MAP3K1: variants seen among roughly 807,000 people sequenced by gnomAD.
MAP3K1 encodes mitogen-activated protein kinase kinase kinase 1.
A neutral mutation model predicts 144.2 loss-of-function variants in MAP3K1; 36 were observed. The ratio of observed to expected loss-of-function variants is 0.25; its 90% confidence interval spans 0.19 to 0.33. The LOEUF (loss-of-function observed/expected upper bound fraction) is 0.33. MAP3K1 is among the 10% of genes least tolerant of loss of function. The pLI, the probability that MAP3K1 is intolerant of heterozygous loss-of-function variation, is 1.00. For missense variants in MAP3K1, 1,650 were observed against 1,881.9 expected, an observed-to-expected ratio of 0.88 and a Z score of 2.28; for synonymous variants, 718 against 688.7, an observed-to-expected ratio of 1.04 and a Z score of -0.67.
chr5:56,871,932 A>G lies in MAP3K1; in HGVS notation c.1324A>G (p.Met442Val), dbSNP rs920836952. ...TAGCATAAAGGATGAAGAGGAACAG[A>G]TGTGTCCTATTTGCTTGTTGGGCAT... is the stretch of plus-strand genomic sequence containing the variant. ...ENSIKDEEEQ[M>V]CPICLLGMLD... Residue 442 changes from methionine to valine, a missense_variant, in exon 7 of 20, where the codon ATG becomes GTG. Physicochemically the swap from Met to Val is conservative, Grantham distance 21. Transcript: ENST00000399503. 6.2e-7 allele frequency: 1 copy of G among 1,613,878 alleles called. No individual in the cohort carries two copies. Among genetic ancestry groups the G allele is most frequent in the Non-Finnish European group, 8.5e-7 (1 of 1,179,808 alleles).
At chr5:56,849,479 C>T (rs571406158) in intron 1 of MAP3K1, among the ~76,000 whole-genome samples, 79 of 152,072 alleles carry the variant, frequency 5.2e-4, no homozygotes, top group Admixed American at 1.4e-3. Context: ...CGTCTTTAGT[C>T]CTCAGGGTCA....
At chr5:56,830,289 T>C (rs1037582154) in intron 1 of MAP3K1, among the ~76,000 whole-genome samples, 26 of 152,336 alleles carry the variant, frequency 1.7e-4, no homozygotes, top group African/African-American at 6.3e-4. Flanking sequence ...AACAAATTAG[T>C]AGACATTTCT....
At chr5:56,874,221 G>A (rs1747946320) in intron 9 of MAP3K1, among the ~76,000 whole-genome samples, 1 of 152,090 alleles carries the variant, frequency 6.6e-6, no homozygotes, top group Non-Finnish European at 1.5e-5. Context: ...TTTTTCAAAA[G>A]TTGTGTTTAT....
intron 1 of MAP3K1, among the ~76,000 whole-genome samples, chr5:56,854,092 A>C (rs1747259513): frequency 6.6e-6 from 1 of 152,150 alleles, no homozygotes; most frequent in Non-Finnish European, 1.5e-5. Context: ...ATATTATCAA[A>C]AGTCTTCATT....
At chr5:56,883,497 G>A in intron 14 of MAP3K1, 30 bp from the exon 15 acceptor site, 1 of 1,610,314 alleles carries the variant, frequency 6.2e-7, no homozygotes, top group Non-Finnish European at 8.5e-7. Flanking sequence ...TCCTTTAACA[G>A]TAAAAAGATT....
At chr5:56,837,212 A>G (rs72758067) in intron 1 of MAP3K1, among the ~76,000 whole-genome samples, 2,096 of 151,764 alleles carry the variant, frequency 0.014, 22 homozygotes, top group Middle Eastern at 0.041. Context: ...CTCCCCTCCC[A>G]GCCACAAGAT....
rs2111945781 is a variant in MAP3K1 at position 56,882,317 on chromosome 5, A to G, written c.3117A>G (p.Ser1039=). 6.2e-7 allele frequency: 1 copy of G among 1,614,196 alleles called. No individual in the cohort carries two copies. The highest frequency in any genetic ancestry group is 8.5e-7 in the Non-Finnish European group (1 of 1,180,034). Residue 1039 remains serine, a synonymous_variant, in exon 14 of 20, where the codon TCA becomes TCG. Coordinates refer to ENST00000399503, the MANE Select transcript of MAP3K1 (RefSeq NM_005921.2). ...GAAACTGTCCTGAAAACAAAGACTC[A>G]GATAAACTTTCCCCAGTCTTTACTC... ...FHRNCPENKD[S]DKLSPVFTQS...
intron 1 of MAP3K1, among the ~76,000 whole-genome samples, chr5:56,817,784 AC>A (rs1159377292): frequency 2.0e-5 from 3 of 152,348 alleles, no homozygotes; most frequent in African/African-American, 7.2e-5. Flanking sequence ...AATTTAGCAA[AC>A]GTCAGCATTC....
rs1312320060 is a variant in MAP3K1 at position 56,872,959 on chromosome 5, A to G, written c.1640A>G (p.Gln547Arg). Reference protein sequence around the residue: ...SNFNLTHYGTQQIPPAYKDLA... With the variant: ...SNFNLTHYGTRQIPPAYKDLA... ...TTTAACCTTACTCATTATGGAACTC[A>G]GCAAATCCCTCCTGCTTACAAAGAT... The change falls in exon 9 of 20, where the codon CAG becomes CGG. Residue 547 changes from glutamine (Q) to arginine (R), a missense_variant. By Grantham distance (43) the Gln-to-Arg change is conservative (BLOSUM62 1). Around this residue, in one of 6 missense-constraint regions of MAP3K1, gnomAD observed 841 missense variants for 886.5 expected, o/e 0.95. Transcript: ENST00000399503. 4 of 1,614,114 alleles carry G rather than the reference A, an allele frequency of 2.5e-6. No individual in the cohort carries two copies. In the South Asian group the frequency reaches 3.3e-5, roughly 13 times the overall value.
In MAP3K1 at chr5:56,881,250, C is replaced by T; in HGVS notation, c.2347C>T (p.Gln783Ter). The T allele has an allele frequency of 6.2e-7, 1 of 1,613,416 alleles. No homozygotes were observed. Among genetic ancestry groups the T allele is most frequent in the Non-Finnish European group, 8.5e-7 (1 of 1,179,738 alleles). The change falls in exon 13 of 20, where the codon CAA becomes TAA. Residue 783 changes from glutamine (Q) to a stop codon, truncating the protein, a stop_gained. Coordinates refer to ENST00000399503, the MANE Select transcript of MAP3K1 (RefSeq NM_005921.2). LOFTEE classifies it high-confidence loss of function. ...YPHIVSTDVS[Q>*]AEPVEIRYKK... is the part of the protein sequence containing the mutation. ...TCATATTGTCAGTACTGATGTTTCA[C>T]AAGCTGAGCCTGTTGAAATCAGGTA...
At chr5:56,865,313 C>G (rs773053973) in intron 4 of MAP3K1, 27 bp from the exon 5 acceptor site, 2 of 1,278,596 alleles carry the variant, frequency 1.6e-6, no homozygotes, top group South Asian at 1.2e-5. Context: ...ATGTATTAAC[C>G]TATAGGTTTT....
In MAP3K1 at chr5:56,815,603, G is replaced by C; in HGVS notation, c.30G>C (p.Ser10=). The C allele has an allele frequency of 7.6e-7, 1 of 1,309,614 alleles. No individual in the cohort carries two copies. The highest frequency in any genetic ancestry group is 9.7e-7 in the Non-Finnish European group (1 of 1,030,062). The allele number at this position is 1,309,614 out of a possible 1,614,324, so 81.1% of individuals were successfully genotyped here. A position where few individuals can be genotyped will look rare whatever the true frequency, so the allele number is the denominator to read the frequency against. Residue 10 remains serine (S), a synonymous_variant, in exon 1 of 20, where the codon TCG becomes TCC. Coordinates refer to ENST00000399503, the MANE Select transcript of MAP3K1 (RefSeq NM_005921.2). Reference sequence around the variant, plus strand: ...CGGCGGCGGCGGGGAATCGCGCCTCGTCGTCGGGATTCCCGGGCGCCAGGG... The same window carrying C: ...CGGCGGCGGCGGGGAATCGCGCCTCCTCGTCGGGATTCCCGGGCGCCAGGG... MAAAAGNRA[S]SSGFPGARAT...
chr5:56,874,123 A>T (rs1747942674), intron 9 of MAP3K1, among the ~76,000 whole-genome samples: 1 of 152,208 alleles, frequency 6.6e-6, no homozygotes, highest in Non-Finnish European at 1.5e-5. Flanking sequence ...ACTTAACAGT[A>T]CCAGAAGCTC....
At chr5:56,877,935 A>G (rs1288915366) in intron 10 of MAP3K1, among the ~76,000 whole-genome samples, 1 of 152,086 alleles carries the variant, frequency 6.6e-6, no homozygotes, top group Non-Finnish European at 1.5e-5. Context: ...ATATCCCTCA[A>G]TTTGGGTTTA....
At chr5:56,887,922 G>GTCGTGTTCATAATTCT (rs1441850026) in intron 18 of MAP3K1, 3 of 459,716 alleles carry the variant, frequency 6.5e-6, no homozygotes, top group Non-Finnish European at 1.2e-5. Flanking sequence ...AGCTTCTTCT[G>GTCGTGTTCATAATTCT]TCGTGTTCAT....
rs755121595 is a variant in MAP3K1, at chr5:56,883,687, T to G, written c.3819+8T>G. The G allele has an allele frequency of 6.2e-6, 10 of 1,613,586 alleles. No homozygotes were observed. The highest frequency in any genetic ancestry group is 8.5e-6 in the Non-Finnish European group (10 of 1,179,716). On this transcript the variant is annotated splice_region_variant and intron_variant, in intron 15 of 19. Coordinates refer to ENST00000399503, the MANE Select transcript of MAP3K1 (RefSeq NM_005921.2). The stretch of plus-strand genomic sequence containing the variant: ...TTAATGGCTGTTAAACAGGTAAATA[T>G]CTAGTGAGCATATAAATGAAATGAC...
In MAP3K1 at chr5:56,875,165, G is replaced by A; in HGVS notation, c.1820G>A (p.Gly607Glu). ...AATGGGGAGAGCACTGGAAATTCTGGGGGCAGCAGTGGAAGCAGCCCGAGT... is the reference window on the plus strand; with the variant it reads ...AATGGGGAGAGCACTGGAAATTCTGAGGGCAGCAGTGGAAGCAGCCCGAGT... ...LANGESTGNS[G>E]GSSGSSPSGG... is the part of the protein sequence containing the mutation. Residue 607 changes from glycine to glutamate, a missense_variant, in exon 10 of 20, where the codon GGG (glycine) becomes GAG (glutamate). Physicochemically the swap from Gly to Glu is moderately conservative, Grantham distance 98. Transcript: ENST00000399503. 1 of 1,614,158 alleles carries A rather than the reference G, an allele frequency of 6.2e-7. No homozygotes were observed. Among genetic ancestry groups the A allele is most frequent in the South Asian group, 1.1e-5 (1 of 91,086 alleles).
chr5:56,859,857 G>A lies in MAP3K1; in HGVS notation c.776G>A (p.Gly259Asp), dbSNP rs1351771523. Residue 259 changes from glycine (G) to aspartate (D), a missense_variant, in exon 3 of 20, where the codon GGT becomes GAT. Coordinates refer to ENST00000399503, the MANE Select transcript of MAP3K1 (RefSeq NM_005921.2). ...RSPSPGNSPSGRTVKSESPGV... is the reference protein window; with the variant it reads ...RSPSPGNSPSDRTVKSESPGV... ...CCTTCTCCTGGCAACTCCCCATCAG[G>A]TCGCACAGTGAAATCAGAATCTCCA... 6.2e-7 allele frequency: 1 copy of A among 1,613,696 alleles called. No individual in the cohort carries two copies. Among genetic ancestry groups the A allele is most frequent in the African/African-American group, 1.3e-5 (1 of 74,910 alleles).
intron 15 of MAP3K1, among the ~76,000 whole-genome samples, chr5:56,884,219 T>G (rs1321755053): frequency 6.6e-6 from 1 of 152,166 alleles, no homozygotes; most frequent in East Asian, 1.9e-4. Context: ...TACAAAGGTT[T>G]TTTTGGTTTT....
Sources: gnomAD v4.1 joint callset for allele counts (sites outside exome capture counted in the v4.1 genomes callset) on GRCh38, gnomAD v4.1.1 for gene constraint, gnomAD v4.1.1 regional missense constraint, MANE v1.5 for transcripts, NCBI Gene and HGNC (gene_info 2026-07-23, HGNC 2026-07-21) for gene names.